ADAM18: variants seen among roughly 807,000 people sequenced by gnomAD.
ADAM18 encodes the protein ADAM metallopeptidase domain 18, also known as disintegrin and metalloproteinase domain-containing protein 18.
In ADAM18, 117 loss-of-function variants were observed where a neutral mutation model predicts 94.4. The observed-to-expected ratio is 1.24, with a 90% confidence interval of 1.07 to 1.45. ADAM18 has a LOEUF of 1.45. ADAM18 is among the 40% of genes most tolerant of loss of function. The pLI, the probability that ADAM18 is intolerant of heterozygous loss-of-function variation, is 0.00. For missense variants in ADAM18, 936 were observed against 880.0 expected (o/e 1.06, Z -0.81); for synonymous variants, 327 against 291.6 (o/e 1.12, Z -1.24).
intron 14 of ADAM18, among the ~76,000 whole-genome samples, chr8:39,669,375 A>G (rs1399144233): frequency 1.3e-5 from 2 of 150,254 alleles, no homozygotes; most frequent in Non-Finnish European, 3.0e-5. Flanking sequence ...CAGGTTTGTT[A>G]TATATGTATA....
intron 10 of ADAM18, among the ~76,000 whole-genome samples, chr8:39,641,748 T>A (rs1217626399): frequency 6.6e-6 from 1 of 152,058 alleles, no homozygotes; most frequent in East Asian, 1.9e-4. Context: ...GTATTTAGAA[T>A]GATTTATATT....
chr8:39,686,162 T>G (rs1821601016), intron 16 of ADAM18, among the ~76,000 whole-genome samples: 1 of 152,196 alleles, frequency 6.6e-6, no homozygotes, highest in Non-Finnish European at 1.5e-5. Context: ...TTTTTCAGCC[T>G]CCGGTCAGTA....
chr8:39,688,865 C>T (rs1487513324), intron 16 of ADAM18, among the ~76,000 whole-genome samples: 4 of 152,190 alleles, frequency 2.6e-5, no homozygotes, highest in Non-Finnish European at 5.9e-5. Context: ...ACAACTTTGA[C>T]AGCATCTGTT....
At chr8:39,622,852 G>A (rs1819653036) in intron 6 of ADAM18, among the ~76,000 whole-genome samples, 1 of 151,990 alleles carries the variant, frequency 6.6e-6, no homozygotes, top group Non-Finnish European at 1.5e-5. Context: ...TAGTTTTCCA[G>A]GTTACCAGTC....
chr8:39,716,171 T>A (rs1822570949), intron 18 of ADAM18, among the ~76,000 whole-genome samples: 1 of 151,990 alleles, frequency 6.6e-6, no homozygotes, highest in South Asian at 2.1e-4. Context: ...TTTTGTTTGT[T>A]TGTTTTTCTG....
At chr8:39,598,467 A>G (rs978811523) in intron 2 of ADAM18, among the ~76,000 whole-genome samples, 2 of 151,988 alleles carry the variant, frequency 1.3e-5, no homozygotes, top group Admixed American at 6.5e-5. Context: ...CATCGTTATT[A>G]TTATTCAAAG....
intron 10 of ADAM18, among the ~76,000 whole-genome samples, chr8:39,644,979 C>G (rs1212384721): frequency 6.6e-6 from 1 of 152,130 alleles, no homozygotes; most frequent in East Asian, 1.9e-4. Flanking sequence ...TTCCTACCAT[C>G]TATCATAATG....
At position 39,612,181 on chromosome 8, in the gene ADAM18, C is replaced by T. The variant is rs983367635; in HGVS notation, c.522+1475C>T. On this transcript the variant is annotated intron_variant, in intron 6 of 19. Transcript: ENST00000265707. ...AGCAAAGATGGCCAACTGGACACAG[C>T]CAGGAAGGTTATCTCCCACCGGAAA... 4.1e-4 allele frequency among the ~76,000 whole-genome samples: 61 copies of T among 149,422 alleles called. 1 individual carries two copies. Among genetic ancestry groups the T allele is most frequent in the Non-Finnish European group, 3.0e-5 (2 of 67,642 alleles).
chr8:39,680,168 G>C lies in ADAM18; in HGVS notation c.1763G>C (p.Arg588Thr). The change falls in exon 16 of 20, where the codon AGA becomes ACA. Residue 588 changes from arginine (R) to threonine (T), a missense_variant. By Grantham distance (71) the Arg-to-Thr change is moderately conservative. Coordinates refer to ENST00000265707, the MANE Select transcript of ADAM18 (RefSeq NM_014237.3). The part of the protein sequence containing the change: ...CVSIATGSSM[R>T]SDGTDNAYVA... Reference sequence around the variant, plus strand: ...TCTATAGCCACTGGTTCCTCCATGAGATCAGATGGAACAGACAATGCCTAT... The same window carrying C: ...TCTATAGCCACTGGTTCCTCCATGACATCAGATGGAACAGACAATGCCTAT... The C allele has an allele frequency of 6.2e-7, 1 of 1,613,830 alleles. No individual in the cohort carries two copies. Among genetic ancestry groups the C allele is most frequent in the Non-Finnish European group, 8.5e-7 (1 of 1,179,874 alleles).
At chr8:39,697,160 G>A (rs1821949502) in intron 17 of ADAM18, among the ~76,000 whole-genome samples, 1 of 151,160 alleles carries the variant, frequency 6.6e-6, no homozygotes, top group Non-Finnish European at 1.5e-5. Context: ...TTTCCTTTTT[G>A]GGTTACGCAT....
At chr8:39,667,803 G>A (rs545500646) in intron 13 of ADAM18, among the ~76,000 whole-genome samples, 195 bp from the exon 14 acceptor site, 5 of 152,140 alleles carry the variant, frequency 3.3e-5, no homozygotes, top group African/African-American at 7.2e-5. Context: ...ATTCTTTCAC[G>A]TCTTTGAGAC....
chr8:39,628,319 A>G (rs1819830255), intron 6 of ADAM18, among the ~76,000 whole-genome samples: 1 of 151,996 alleles, frequency 6.6e-6, no homozygotes, highest in Non-Finnish European at 1.5e-5. Flanking sequence ...TGTATACACA[A>G]AGAGAGGATA....
intron 7 of ADAM18, among the ~76,000 whole-genome samples, chr8:39,635,152 T>C (rs1820043618): frequency 6.6e-6 from 1 of 152,188 alleles, no homozygotes; most frequent in Non-Finnish European, 1.5e-5. Flanking sequence ...GCTAGCAACT[T>C]GTTCTTGGAC....
chr8:39,603,261 A>G (rs6983541), intron 2 of ADAM18, among the ~76,000 whole-genome samples: 138,471 of 152,226 alleles, frequency 0.91, 63,164 homozygotes, highest in Middle Eastern at 0.98. Context: ...CTTGATTATG[A>G]TAGCTTTAGA....
intron 19 of ADAM18, among the ~76,000 whole-genome samples, chr8:39,727,259 A>C (rs1418298020): frequency 1.3e-5 from 2 of 152,136 alleles, no homozygotes; most frequent in Non-Finnish European, 2.9e-5. Context: ...TAGTTATGTT[A>C]ATATCTCTAG....
In ADAM18 at chr8:39,682,401, C is replaced by A. The variant is rs368592886; in HGVS notation, c.1821+2175C>A. Among the ~76,000 whole-genome samples, 4 of 152,228 alleles carry A rather than the reference C, an allele frequency of 2.6e-5. No individual in the cohort carries two copies. The South Asian group carries it at 8.3e-4, about 32-fold the overall frequency. ...ACAAAATGAAAGGAGGCTATCGGAC[C>A]CCCAAAATTCTACTGAGAGGAGGCA... On this transcript the variant is annotated intron_variant, in intron 16 of 19. Coordinates refer to ENST00000265707, the MANE Select transcript of ADAM18 (RefSeq NM_014237.3).
At chr8:39,638,797 G>A (rs1001021003) in intron 10 of ADAM18, among the ~76,000 whole-genome samples, 6 of 151,740 alleles carry the variant, frequency 4.0e-5, no homozygotes, top group Non-Finnish European at 7.4e-5. Flanking sequence ...TAATGGACAC[G>A]AACATTTGCT....
chr8:39,686,608 G>A (rs913947954), intron 16 of ADAM18, among the ~76,000 whole-genome samples: 4 of 152,146 alleles, frequency 2.6e-5, no homozygotes, highest in Admixed American at 2.6e-4. Context: ...ACCACAGCAT[G>A]TTAATATCTT....
At chr8:39,669,508 C>T (rs1376565224) in intron 14 of ADAM18, among the ~76,000 whole-genome samples, 2 of 128,520 alleles carry the variant, frequency 1.6e-5, no homozygotes, top group Non-Finnish European at 3.2e-5. Flanking sequence ...TGTTCCCCTT[C>T]CTGTGTCCAT....
Sources: allele counts gnomAD v4.1 joint callset (sites outside exome capture counted in the v4.1 genomes callset), GRCh38; gene constraint gnomAD v4.1.1; transcripts MANE v1.5; gene names NCBI Gene and HGNC (gene_info 2026-07-23, HGNC 2026-07-21).